The following ANKRD17 variants were observed in gnomAD, a reference collection of about 807,000 sequenced individuals.
ANKRD17 encodes ankyrin repeat domain 17.
A neutral mutation model predicts 229.7 loss-of-function variants in ANKRD17; 19 were observed. That is an observed-to-expected ratio of 0.08 (90% CI 0.06 to 0.12). The LOEUF (loss-of-function observed/expected upper bound fraction) is 0.12, where lower values mean the gene tolerates loss of function less well. Among genes scored for constraint, ANKRD17 ranks in the 10% least tolerant of loss-of-function variants. ANKRD17 has a pLI of 1.00. For synonymous variants in ANKRD17, 1,112 were observed against 1,146.1 expected, an observed-to-expected ratio of 0.97 and a Z score of 0.60; for missense variants, 2,176 against 3,176.8, an observed-to-expected ratio of 0.68 and a Z score of 7.57.
rs376634295 is a variant in ANKRD17, at chr4:73,139,724, C to A, written c.2892G>T (p.Leu964=). 2 of 1,614,184 alleles carry A rather than the reference C, an allele frequency of 1.2e-6. No homozygotes were observed. Among genetic ancestry groups the A allele is most frequent in the Non-Finnish European group, 1.7e-6 (2 of 1,180,028 alleles). The change falls in exon 15 of 34, where the codon CTG becomes CTT. Residue 964 remains leucine (L), a synonymous_variant. Coordinates refer to ENST00000358602, the MANE Select transcript of ANKRD17 (RefSeq NM_032217.5). ...ACCCTGGAGGCAAGGGACCTGCCGC[C>A]AGAGGCAAAGCTTGAGGCATCGCCA... ...QPLAMPQALP[L]AAGPLPPGSI...
At chr4:73,184,546 A>G (rs1056898193) in intron 1 of ANKRD17, among the ~76,000 whole-genome samples, 4 of 150,642 alleles carry the variant, frequency 2.7e-5, no homozygotes, top group Non-Finnish European at 4.4e-5. Flanking sequence ...AAAAAAAAAA[A>G]AAAAAAAGAA....
At chr4:73,096,560 C>T (rs919199920) in intron 27 of ANKRD17, among the ~76,000 whole-genome samples, 4 of 152,066 alleles carry the variant, frequency 2.6e-5, no homozygotes, top group Admixed American at 6.5e-5. Context: ...ACGAAATTTC[C>T]GGAAAGTTCT....
At chr4:73,181,842 G>T (rs975827762) in intron 1 of ANKRD17, among the ~76,000 whole-genome samples, 4 of 151,778 alleles carry the variant, frequency 2.6e-5, no homozygotes, top group Non-Finnish European at 5.9e-5. Context: ...GGGGTTGGGA[G>T]TTCGAGACCA....
At chr4:73,158,718 C>A (rs1732107024) in intron 3 of ANKRD17, among the ~76,000 whole-genome samples, 1 of 152,212 alleles carries the variant, frequency 6.6e-6, no homozygotes, top group Non-Finnish European at 1.5e-5. Flanking sequence ...TTAATCCATT[C>A]ATGAATTAAT....
chr4:73,190,419 G>A (rs1447052008), intron 1 of ANKRD17, among the ~76,000 whole-genome samples: 1 of 151,894 alleles, frequency 6.6e-6, no homozygotes, highest in Non-Finnish European at 1.5e-5. Context: ...ATATATTATT[G>A]TAGAAGTTTA....
At chr4:73,090,222 C>T (rs1339087119) in intron 29 of ANKRD17, among the ~76,000 whole-genome samples, 1 of 152,106 alleles carries the variant, frequency 6.6e-6, no homozygotes, top group East Asian at 1.9e-4. Context: ...CCAGCTTGGT[C>T]AACATGGTGA....
intron 1 of ANKRD17, among the ~76,000 whole-genome samples, chr4:73,257,936 G>A (rs1375015909): frequency 6.6e-6 from 1 of 151,962 alleles, no homozygotes; most frequent in Non-Finnish European, 1.5e-5. Context: ...AGACTAAGGT[G>A]GCCCTACTGG....
intron 2 of ANKRD17, among the ~76,000 whole-genome samples, chr4:73,161,770 G>A (rs1732554814): frequency 6.6e-6 from 1 of 152,180 alleles, no homozygotes; most frequent in African/African-American, 2.4e-5. Context: ...GAAAGAGAAG[G>A]GGACAGAGTC....
chr4:73,118,763 T>C lies in ANKRD17; in HGVS notation c.4113A>G (p.Leu1371=). 1 of 1,613,954 alleles carries C rather than the reference T, an allele frequency of 6.2e-7. No individual in the cohort carries two copies. Among genetic ancestry groups the C allele is most frequent in the Non-Finnish European group, 8.5e-7 (1 of 1,179,982 alleles). The change falls in exon 22 of 34, where the codon TTA becomes TTG. Residue 1371 remains leucine, a synonymous_variant. Coordinates refer to ENST00000358602, the MANE Select transcript of ANKRD17 (RefSeq NM_032217.5). ...ANGGHLDVVQ[L]LVQAGADVDA... is the part of the protein sequence containing the mutation. The stretch of plus-strand genomic sequence containing the variant: ...CCACATCTGCACCTGCTTGCACCAG[T>C]AACTGAACCACATCGAGGTGTCCAC...
rs796838015 is a variant in ANKRD17 at position 73,112,118 on chromosome 4, C to T, written c.4401+1674G>A. Among the ~76,000 whole-genome samples, 19 of 152,114 alleles carry T rather than the reference C, an allele frequency of 1.2e-4. 1 individual carries two copies. Among genetic ancestry groups the T allele is most frequent in the African/African-American group, 4.6e-4 (19 of 41,492 alleles). The stretch of plus-strand genomic sequence containing the variant: ...GAGAAAGAGTAATAAAAAACAAGGC[C>T]AGAGAGGTTTAAGAAGTGGTGTGGG... On this transcript the variant is annotated intron_variant, in intron 24 of 33. Transcript: ENST00000358602.
intron 1 of ANKRD17, among the ~76,000 whole-genome samples, chr4:73,211,443 A>T (rs1487806229): frequency 6.6e-6 from 1 of 152,230 alleles, no homozygotes; most frequent in Admixed American, 6.5e-5. Flanking sequence ...TGATTCTTAA[A>T]TGTAAAATAA....
Position 73,147,269 on chromosome 4 carries a change from C to A in ANKRD17, c.1731G>T (p.Leu577Phe). The A allele has an allele frequency of 1.3e-6, 2 of 1,571,376 alleles. No individual in the cohort carries two copies. The highest frequency in any genetic ancestry group is 1.2e-5 in the South Asian group (1 of 83,104). Residue 577 changes from leucine to phenylalanine, a missense_variant, in exon 9 of 34, where the codon TTG (leucine) becomes TTT (phenylalanine). By Grantham distance (22) the Leu-to-Phe change is conservative (BLOSUM62 0). Transcript: ENST00000358602. The part of the protein sequence containing the change: ...PLMEAAQEGH[L>F]ELVKYLLAAG... The stretch of plus-strand genomic sequence containing the variant: ...CAGCTAATAAGTATTTAACTAACTC[C>A]AAATGACCCTCTTGAGCAGCTTCCA...
rs762193875 is a variant in ANKRD17 at position 73,125,044 on chromosome 4, T to G, written c.3361A>C (p.Ile1121Leu). 6.2e-7 allele frequency: 1 copy of G among 1,614,026 alleles called. No homozygotes were observed. Among genetic ancestry groups the G allele is most frequent in the African/African-American group, 1.3e-5 (1 of 74,908 alleles). Reference protein sequence around the residue: ...HRDKKGFTPLILAATAGHVGV... With the variant: ...HRDKKGFTPLLLAATAGHVGV... ...ACATGACCAGCTGTGGCAGCCAAGA[T>G]GAGTGGAGTAAAACCTGGAGAAAAA... The change falls in exon 18 of 34, where the codon ATC becomes CTC. Residue 1121 changes from isoleucine (I) to leucine (L), a missense_variant. By Grantham distance (5) the Ile-to-Leu change is conservative. Around this residue, in one of 18 missense-constraint regions of ANKRD17, gnomAD observed 178 missense variants for 421.7 expected, o/e 0.42. Transcript: ENST00000358602.
chr4:73,165,439 G>A (rs1192459845), intron 2 of ANKRD17, among the ~76,000 whole-genome samples: 1 of 152,218 alleles, frequency 6.6e-6, no homozygotes, highest in Non-Finnish European at 1.5e-5. Context: ...TACATGATAA[G>A]TAGTGAAATC....
chr4:73,083,994 G>A (rs1577991767), intron 30 of ANKRD17, among the ~76,000 whole-genome samples: 1 of 147,690 alleles, frequency 6.8e-6, no homozygotes, highest in Non-Finnish European at 1.5e-5. Flanking sequence ...TAAGGGATAA[G>A]CAATTTCACA....
intron 2 of ANKRD17, among the ~76,000 whole-genome samples, chr4:73,171,599 C>T (rs1734051321): frequency 6.6e-6 from 1 of 152,130 alleles, no homozygotes; most frequent in African/African-American, 2.4e-5. Flanking sequence ...TCTGGAGAAA[C>T]ACAGATATGT....
At chr4:73,171,791 A>G (rs1734075131) in intron 2 of ANKRD17, among the ~76,000 whole-genome samples, 1 of 152,200 alleles carries the variant, frequency 6.6e-6, no homozygotes, top group Non-Finnish European at 1.5e-5. Flanking sequence ...AATGCATCAG[A>G]GTCTCTTAAT....
At chr4:73,156,798 C>T (rs1189887293) in intron 3 of ANKRD17, among the ~76,000 whole-genome samples, 1 of 152,138 alleles carries the variant, frequency 6.6e-6, no homozygotes, top group Non-Finnish European at 1.5e-5. Flanking sequence ...AACTGTGAGT[C>T]AATTAAACCT....
At chr4:73,168,127 T>C (rs995836626) in intron 2 of ANKRD17, among the ~76,000 whole-genome samples, 2 of 124 alleles carry the variant, frequency 0.016, no homozygotes, top group African/African-American at 0.053. Context: ...TACTCCAGCC[T>C]GGGGGAGAGT....
Sources: gnomAD v4.1 joint callset for allele counts (sites outside exome capture counted in the v4.1 genomes callset) on GRCh38, gnomAD v4.1.1 for gene constraint, gnomAD v4.1.1 regional missense constraint, MANE v1.5 for transcripts, NCBI Gene and HGNC (gene_info 2026-07-23, HGNC 2026-07-21) for gene names.